LRMDA: variants seen among roughly 807,000 people sequenced by gnomAD.
LRMDA encodes leucine-rich melanocyte differentiation-associated protein.
LRMDA carries 18 observed loss-of-function variants against 29.8 expected under a neutral mutation model. The observed-to-expected ratio is 0.60, with a 90% CI of 0.42 to 0.90. LRMDA has a LOEUF of 0.90. Among genes scored for constraint, LRMDA ranks in the 40% least tolerant of loss-of-function variants. The pLI is 0.00. For missense variants in LRMDA, 273 were observed against 273.9 expected (o/e 1.00, Z 0.02); for synonymous variants, 125 against 109.4 (o/e 1.14, Z -0.89).
intron 2 of LRMDA, among the ~76,000 whole-genome samples, chr10:75,750,981 T>C (rs925041898): frequency 1.3e-5 from 2 of 152,116 alleles, no homozygotes; most frequent in South Asian, 4.1e-4. Flanking sequence ...GAGGTGGAGT[T>C]TGTAGCCAGC....
rs753933285 is a variant in LRMDA, at chr10:75,621,199, T to TACACACACAC, written c.131+182722_131+182731dup. Reference sequence around the variant, plus strand: ...TTTTTATGGCTGAGTAGTATTCCATTACACACACACACACACACACACACA... The same window carrying TACACACACAC: ...TTTTTATGGCTGAGTAGTATTCCATTACACACACACACACACACACACACACACACACACA... On this transcript the variant is annotated intron_variant, in intron 2 of 6. Coordinates refer to ENST00000611255, the MANE Select transcript of LRMDA (RefSeq NM_001305581.2). 5.0e-3 allele frequency among the ~76,000 whole-genome samples: 678 copies of TACACACACAC among 136,734 alleles called. 3 individuals are homozygous for TACACACACAC. The highest frequency in any genetic ancestry group is 0.024 in the South Asian group (100 of 4,226). The allele number at this position is 136,734 out of a possible 152,430, so 89.7% of individuals were successfully genotyped here. A position where few individuals can be genotyped will look rare whatever the true frequency, so the allele number is the denominator to read the frequency against.
chr10:75,900,779 C>A (rs919047524), intron 2 of LRMDA, among the ~76,000 whole-genome samples: 2 of 152,126 alleles, frequency 1.3e-5, no homozygotes, highest in Non-Finnish European at 2.9e-5. Context: ...CATGCCCACC[C>A]CCCCACCTTT....
In LRMDA at chr10:76,139,536, A is replaced by C. The variant is rs147568798; in HGVS notation, c.516+80753A>C. 3.9e-3 allele frequency among the ~76,000 whole-genome samples: 591 copies of C among 152,288 alleles called. 6 individuals are homozygous for C. Among genetic ancestry groups the C allele is most frequent in the Non-Finnish European group, 4.1e-3 (281 of 68,020 alleles). Reference sequence around the variant, plus strand: ...CTAAGTCTGTTGATAGAAACTTGTCAATCATTTCCAAGGCAATATGTTGCC... The same window carrying C: ...CTAAGTCTGTTGATAGAAACTTGTCCATCATTTCCAAGGCAATATGTTGCC... On this transcript the variant is annotated intron_variant, in intron 5 of 6. Transcript: ENST00000611255.
At chr10:76,090,922 A>G (rs1167283311) in intron 5 of LRMDA, among the ~76,000 whole-genome samples, 1 of 152,216 alleles carries the variant, frequency 6.6e-6, no homozygotes, top group Non-Finnish European at 1.5e-5. Flanking sequence ...AGACTGTACC[A>G]CAATGTGAAT....
intron 6 of LRMDA, 67 bp downstream of exon 6, chr10:76,324,552 G>A: frequency 7.2e-7 from 1 of 1,391,622 alleles, no homozygotes; most frequent in Non-Finnish European, 1.0e-6. Context: ...GCAGAGCTCT[G>A]GCTCATTACT....
At chr10:76,240,841 T>G (rs939521008) in intron 5 of LRMDA, among the ~76,000 whole-genome samples, 2 of 12,200 alleles carry the variant, frequency 1.6e-4, no homozygotes, top group African/African-American at 1.1e-3. Flanking sequence ...TACATATATA[T>G]GTGTGTATAT....
At chr10:76,380,955 AT>A in intron 6 of LRMDA, among the ~76,000 whole-genome samples, 1 of 150,362 alleles carries the variant, frequency 6.7e-6, no homozygotes, top group South Asian at 2.1e-4. Flanking sequence ...TATTTTTAAC[AT>A]TTTTGTGTTA....
At chr10:76,381,478 A>C (rs974798890) in intron 6 of LRMDA, among the ~76,000 whole-genome samples, 1 of 152,136 alleles carries the variant, frequency 6.6e-6, no homozygotes, top group Non-Finnish European at 1.5e-5. Context: ...TTATATTTTC[A>C]TAATTGTGCC....
chr10:76,490,476 A>G (rs1842822987), intron 6 of LRMDA, among the ~76,000 whole-genome samples: 1 of 151,982 alleles, frequency 6.6e-6, no homozygotes, highest in Non-Finnish European at 1.5e-5. Context: ...TTCAGTGCAT[A>G]TGTATTTAAA....
intron 2 of LRMDA, among the ~76,000 whole-genome samples, chr10:75,448,519 G>A (rs143728048): frequency 1.0e-3 from 154 of 152,306 alleles, no homozygotes; most frequent in African/African-American, 3.6e-3. Flanking sequence ...CTTTCTACTT[G>A]CTAGACCTTC....
At chr10:76,237,785 CTTTTTTTT>C (rs33976322) in intron 5 of LRMDA, among the ~76,000 whole-genome samples, 2 of 84,112 alleles carry the variant, frequency 2.4e-5, no homozygotes, top group Non-Finnish European at 4.3e-5. Flanking sequence ...GACAAGAGTG[CTTTTTTTT>C]TTTTTTTTTT....
chr10:75,471,692 A>AT (rs1844728674), intron 2 of LRMDA, among the ~76,000 whole-genome samples: 1 of 152,184 alleles, frequency 6.6e-6, no homozygotes, highest in South Asian at 2.1e-4. Flanking sequence ...TGACTACATG[A>AT]TTTTTTACCT....
At chr10:76,230,478 G>A (rs1445313883) in intron 5 of LRMDA, among the ~76,000 whole-genome samples, 1 of 143,948 alleles carries the variant, frequency 6.9e-6, no homozygotes, top group Non-Finnish European at 1.5e-5. Context: ...GCTTAAATTA[G>A]AAAACTTACT....
At chr10:75,927,371 C>T (rs1846137636) in intron 2 of LRMDA, among the ~76,000 whole-genome samples, 1 of 152,174 alleles carries the variant, frequency 6.6e-6, no homozygotes, top group Non-Finnish European at 1.5e-5. Flanking sequence ...CTGTTTTCTC[C>T]TTCACTTGTT....
At chr10:75,614,499 G>T (rs1841074788) in intron 2 of LRMDA, among the ~76,000 whole-genome samples, 1 of 152,098 alleles carries the variant, frequency 6.6e-6, no homozygotes, top group Admixed American at 6.6e-5. Context: ...GAAGAAAAGG[G>T]AAGAAAGAAA....
At position 76,461,735 on chromosome 10, in the gene LRMDA, A is replaced by G. The variant is rs531253471; in HGVS notation, c.602-95474A>G. 4.6e-5 allele frequency among the ~76,000 whole-genome samples: 7 copies of G among 152,212 alleles called. No homozygotes were observed. The East Asian group carries it at 1.4e-3, about 29-fold the overall frequency. ...AGTGCTGTCTTAAGAAATTTCCTTG[A>G]TACTCAAAGGGTGTTTTACACAGAA... On this transcript the variant is annotated intron_variant, in intron 6 of 6. Coordinates refer to ENST00000611255, the MANE Select transcript of LRMDA (RefSeq NM_001305581.2).
chr10:75,936,162 T>TA (rs1846288641), intron 2 of LRMDA, among the ~76,000 whole-genome samples: 1 of 152,078 alleles, frequency 6.6e-6, no homozygotes, highest in Admixed American at 6.6e-5. Flanking sequence ...TGCACTCTAA[T>TA]AAGAGAGGCA....
At chr10:75,982,881 A>G (rs746267152) in intron 2 of LRMDA, among the ~76,000 whole-genome samples, 7 of 152,206 alleles carry the variant, frequency 4.6e-5, no homozygotes, top group Middle Eastern at 3.2e-3. Flanking sequence ...AGACAGGTCT[A>G]TTGCATACGT....
chr10:75,582,836 A>C (rs1840611560), intron 2 of LRMDA, among the ~76,000 whole-genome samples: 1 of 152,186 alleles, frequency 6.6e-6, no homozygotes, highest in Non-Finnish European at 1.5e-5. Flanking sequence ...ATATAAGCAT[A>C]GGTTGTTAGA....
Sources: allele counts gnomAD v4.1 joint callset (sites outside exome capture counted in the v4.1 genomes callset), GRCh38; gene constraint gnomAD v4.1.1; transcripts MANE v1.5; gene names NCBI Gene and HGNC (gene_info 2026-07-23, HGNC 2026-07-21).